ACYP2: variants seen among roughly 807,000 people sequenced by gnomAD.
The protein encoded by ACYP2 is acylphosphatase-2.
ACYP2 carries 12 observed loss-of-function variants against 11.2 expected under a neutral mutation model. The observed-to-expected ratio is 1.08, with a 90% CI of 0.69 to 1.74. ACYP2 has a LOEUF of 1.74. ACYP2 is among the 40% of genes most tolerant of loss of function. The probability of loss-of-function intolerance (pLI) is 0.00; values close to 1 mark genes in which losing one functional copy is unlikely to be tolerated. For missense variants in ACYP2, 134 were observed against 101.9 expected (o/e 1.31, Z -1.35); for synonymous variants, 43 against 32.2 (o/e 1.33, Z -1.13).
At chr2:54,224,573 T>C (rs1685930527) in intron 6 of ACYP2, among the ~76,000 whole-genome samples, 1 of 152,110 alleles carries the variant, frequency 6.6e-6, no homozygotes, top group Non-Finnish European at 1.5e-5. Flanking sequence ...ATATGTAAAA[T>C]AGGTGAAGGG....
chr2:54,002,362 T>TG (rs997493418), intron 2 of ACYP2, among the ~76,000 whole-genome samples: 3 of 152,026 alleles, frequency 2.0e-5, no homozygotes, highest in African/African-American at 7.2e-5. Flanking sequence ...TTTTTTTTTT[T>TG]TGAGACGGAG....
intron 2 of ACYP2, among the ~76,000 whole-genome samples, chr2:54,007,109 A>G (rs1673105867): frequency 7.7e-6 from 1 of 129,854 alleles, no homozygotes; most frequent in East Asian, 2.9e-4. Context: ...ACTGCACTCC[A>G]GCCTGGGCAA....
At chr2:54,180,026 C>A (rs757276543) in intron 6 of ACYP2, among the ~76,000 whole-genome samples, 1 of 152,096 alleles carries the variant, frequency 6.6e-6, no homozygotes, top group Non-Finnish European at 1.5e-5. Flanking sequence ...AGTGGGGGTT[C>A]CCATGACCCC....
At chr2:54,025,609 G>A (rs1379374703) in intron 2 of ACYP2, among the ~76,000 whole-genome samples, 5 of 152,078 alleles carry the variant, frequency 3.3e-5, no homozygotes, top group Non-Finnish European at 7.4e-5. Flanking sequence ...TATACAACCT[G>A]AAACCATAAA....
intron 6 of ACYP2, among the ~76,000 whole-genome samples, chr2:54,180,675 C>A (rs1421720790): frequency 1.3e-5 from 2 of 152,130 alleles, no homozygotes; most frequent in Admixed American, 1.3e-4. Flanking sequence ...CCACCTCAGC[C>A]TCCTGAGTAG....
chr2:54,177,487 T>C (rs1683510055), intron 6 of ACYP2, among the ~76,000 whole-genome samples: 1 of 152,192 alleles, frequency 6.6e-6, no homozygotes, highest in South Asian at 2.1e-4. Context: ...TTCTTATCCT[T>C]GCCCACACCT....
At chr2:53,983,721 T>C (rs1403677925) in intron 2 of ACYP2, among the ~76,000 whole-genome samples, 1 of 152,192 alleles carries the variant, frequency 6.6e-6, no homozygotes, top group Non-Finnish European at 1.5e-5. Context: ...TACAGTGCTA[T>C]GGGTAGTAAC....
intron 2 of ACYP2, among the ~76,000 whole-genome samples, chr2:53,992,037 T>C (rs1672322855): frequency 6.6e-6 from 1 of 151,226 alleles, no homozygotes; most frequent in African/African-American, 2.4e-5. Flanking sequence ...CCTCCTTCCT[T>C]CCTCCCTCCT....
intron 6 of ACYP2, among the ~76,000 whole-genome samples, chr2:54,169,299 T>A (rs1033118406): frequency 6.6e-6 from 1 of 152,210 alleles, no homozygotes; most frequent in Non-Finnish European, 1.5e-5. Flanking sequence ...GATTTTGATC[T>A]GTTTCTTTGA....
rs78082079 is a variant in ACYP2, at chr2:54,131,576, A to G, written c.278-3877A>G. Reference sequence around the variant, plus strand: ...GGGGAGAGTTGCCTTTTTATCATGCATGGTTTTTTCCATGTAATTCGTCTG... The same window carrying G: ...GGGGAGAGTTGCCTTTTTATCATGCGTGGTTTTTTCCATGTAATTCGTCTG... On this transcript the variant is annotated intron_variant, in intron 4 of 6. Transcript: ENST00000607452. 7.9e-3 allele frequency among the ~76,000 whole-genome samples: 1,208 copies of G among 152,164 alleles called. 24 individuals are homozygous for G. Among genetic ancestry groups the G allele is most frequent in the African/African-American group, 0.026 (1,091 of 41,504 alleles).
At chr2:54,139,689 ATTAC>A (rs1296394562) in intron 6 of ACYP2, among the ~76,000 whole-genome samples, 1 of 152,150 alleles carries the variant, frequency 6.6e-6, no homozygotes, top group Non-Finnish European at 1.5e-5. Context: ...CTTTGTTTTC[ATTAC>A]TTAATATTTT....
At chr2:54,086,868 A>G (rs1312858409) in intron 4 of ACYP2, among the ~76,000 whole-genome samples, 1 of 152,244 alleles carries the variant, frequency 6.6e-6, no homozygotes, top group Non-Finnish European at 1.5e-5. Flanking sequence ...GCACATTTGT[A>G]AATTATAATT....
chr2:54,297,725 G>C, intron 6 of ACYP2, among the ~76,000 whole-genome samples: 1 of 150,728 alleles, frequency 6.6e-6, no homozygotes, highest in East Asian at 1.9e-4. Flanking sequence ...AAAACATAAT[G>C]ATTAAAAAGC....
chr2:54,069,984 A>T (rs1336211543), intron 4 of ACYP2, among the ~76,000 whole-genome samples: 1 of 152,190 alleles, frequency 6.6e-6, no homozygotes, highest in Non-Finnish European at 1.5e-5. Context: ...GAAAAAATAC[A>T]TTTGGGCCAG....
intron 6 of ACYP2, among the ~76,000 whole-genome samples, chr2:54,203,656 C>T (rs1297999218): frequency 6.6e-6 from 1 of 152,042 alleles, no homozygotes; most frequent in African/African-American, 2.4e-5. Context: ...AGTGGTTTTT[C>T]TCATGAAAGG....
At chr2:54,175,696 A>C (rs1390343141) in intron 6 of ACYP2, among the ~76,000 whole-genome samples, 1 of 151,952 alleles carries the variant, frequency 6.6e-6, no homozygotes, top group Non-Finnish European at 1.5e-5. Context: ...AAATTTACTG[A>C]TTATCAAACT....
intron 6 of ACYP2, among the ~76,000 whole-genome samples, chr2:54,252,917 AT>A (rs372907878): frequency 7.2e-5 from 11 of 151,948 alleles, no homozygotes; most frequent in Admixed American, 1.3e-4. Flanking sequence ...AAAAAAAAAA[AT>A]ATGCCAATGG....
chr2:54,045,891 C>T (rs1675495361), intron 2 of ACYP2, among the ~76,000 whole-genome samples: 1 of 151,958 alleles, frequency 6.6e-6, no homozygotes, highest in Admixed American at 6.6e-5. Flanking sequence ...ATTGGCTAGG[C>T]TGGGAGCAGT....
intron 6 of ACYP2, among the ~76,000 whole-genome samples, chr2:54,247,324 C>T (rs1687001544): frequency 6.6e-6 from 1 of 152,098 alleles, no homozygotes; most frequent in Non-Finnish European, 1.5e-5. Context: ...TGACATAATC[C>T]CTTCCCCACC....
Sources: allele counts gnomAD v4.1 joint callset (sites outside exome capture counted in the v4.1 genomes callset), GRCh38; gene constraint gnomAD v4.1.1; transcripts MANE v1.5; gene names NCBI Gene and HGNC (gene_info 2026-07-23, HGNC 2026-07-21).